The following MGAT4C variants were observed in gnomAD, a reference collection of about 807,000 sequenced individuals.
MGAT4C encodes MGAT4 family member C.
A neutral mutation model predicts 40.1 loss-of-function variants in MGAT4C; 19 were observed. That is an observed-to-expected ratio of 0.47 (90% confidence interval 0.33 to 0.70). MGAT4C has a LOEUF of 0.70. Ranked by LOEUF, MGAT4C falls within the 30% of genes least tolerant of loss-of-function variation. MGAT4C has a pLI of 0.02. For synonymous variants in MGAT4C, 181 were observed against 187.1 expected (o/e 0.97, Z 0.27); for missense variants, 491 against 563.2 (o/e 0.87, Z 1.30).
chr12:86,175,739 T>G (rs886441695), intron 1 of MGAT4C, among the ~76,000 whole-genome samples: 2 of 139,276 alleles, frequency 1.4e-5, no homozygotes, highest in Non-Finnish European at 3.0e-5. Flanking sequence ...ATCACGAGGT[T>G]AGGAGATTGA....
intron 1 of MGAT4C, among the ~76,000 whole-genome samples, chr12:86,056,406 C>G (rs761949610): frequency 7.2e-5 from 11 of 152,078 alleles, no homozygotes; most frequent in Non-Finnish European, 1.5e-4. Context: ...CCTTAAGGCC[C>G]CAGTGTGTGA....
intron 2 of MGAT4C, among the ~76,000 whole-genome samples, chr12:86,045,123 C>G (rs377197741): frequency 6.6e-6 from 1 of 152,144 alleles, no homozygotes; most frequent in East Asian, 1.9e-4. Flanking sequence ...CTCTGAAGAT[C>G]TGCTCATAGT....
At chr12:86,126,819 C>T (rs1880353297) in intron 1 of MGAT4C, among the ~76,000 whole-genome samples, 1 of 152,118 alleles carries the variant, frequency 6.6e-6, no homozygotes, top group Admixed American at 6.6e-5. Flanking sequence ...GCCCAGGGGT[C>T]CCCAAACTTT....
chr12:86,170,335 A>T (rs1008266720), intron 1 of MGAT4C, among the ~76,000 whole-genome samples: 4 of 152,172 alleles, frequency 2.6e-5, no homozygotes, highest in African/African-American at 9.7e-5. Flanking sequence ...GGATCATGTC[A>T]TTTGAAACTT....
chr12:86,450,101 T>C (rs547240106), intron 2 of MGAT4C, among the ~76,000 whole-genome samples: 2 of 152,274 alleles, frequency 1.3e-5, no homozygotes, highest in East Asian at 1.9e-4. Context: ...CTGTGAAGTA[T>C]TCATATGTTC....
intron 1 of MGAT4C, among the ~76,000 whole-genome samples, chr12:86,192,726 C>T (rs1011216006): frequency 6.6e-6 from 1 of 152,120 alleles, no homozygotes; most frequent in Non-Finnish European, 1.5e-5. Flanking sequence ...GAGGTATCTT[C>T]TACATCCTTA....
At chr12:86,471,609 C>T (rs951553268) in intron 2 of MGAT4C, among the ~76,000 whole-genome samples, 1 of 151,954 alleles carries the variant, frequency 6.6e-6, no homozygotes, top group African/African-American at 2.4e-5. Flanking sequence ...GAAGTACTAG[C>T]CCATAAGTTC....
At chr12:85,980,474 T>C (rs1884461741) in intron 4 of MGAT4C, 44 bp from the exon 5 acceptor site, 4 of 1,492,496 alleles carry the variant, frequency 2.7e-6, no homozygotes, top group South Asian at 1.3e-5. Context: ...GAACTAGAAA[T>C]ATGGAAAAAG....
At chr12:86,809,612 T>C (rs999738846) in intron 1 of MGAT4C, among the ~76,000 whole-genome samples, 3 of 152,014 alleles carry the variant, frequency 2.0e-5, no homozygotes, top group African/African-American at 7.2e-5. Flanking sequence ...TTTTGATTTA[T>C]ATTTTCCTGC....
At chr12:86,309,437 G>C (rs535120833) in intron 4 of MGAT4C, among the ~76,000 whole-genome samples, 2 of 152,288 alleles carry the variant, frequency 1.3e-5, no homozygotes, top group East Asian at 3.9e-4. Context: ...ATCTGGCTTG[G>C]GCCTTCTTGC....
chr12:86,579,438 C>T (rs535934569), intron 2 of MGAT4C, among the ~76,000 whole-genome samples: 3 of 151,642 alleles, frequency 2.0e-5, no homozygotes, highest in African/African-American at 4.8e-5. Context: ...AATAAAAACT[C>T]TACACCTAAA....
In MGAT4C at chr12:86,761,183, T is replaced by TA. The variant is rs529223590; in HGVS notation, c.-261-33943dup. ...GCCTCCATGGAATGATGGCACTTAG[T>TA]AAAAAAAATGAAATAAAAGGCCAGC... On this transcript the variant is annotated intron_variant, in intron 1 of 7. Transcript: ENST00000548651. Among the ~76,000 whole-genome samples the TA allele has an allele frequency of 2.2e-3, 328 of 152,004 alleles. 12 individuals are homozygous for TA. In the South Asian group the frequency reaches 0.057, roughly 26 times the overall value.
intron 1 of MGAT4C, among the ~76,000 whole-genome samples, chr12:86,157,261 T>C (rs1460492937): frequency 6.6e-6 from 1 of 152,204 alleles, no homozygotes; most frequent in Non-Finnish European, 1.5e-5. Context: ...CTTTCCATTT[T>C]GTAATTATAA....
At chr12:86,347,831 A>G (rs1047336919) in intron 3 of MGAT4C, among the ~76,000 whole-genome samples, 1 of 151,198 alleles carries the variant, frequency 6.6e-6, no homozygotes, top group Admixed American at 6.6e-5. Context: ...TAAAATTGTT[A>G]TTTTAACTTT....
chr12:86,720,075 C>G (rs568276262), intron 2 of MGAT4C, among the ~76,000 whole-genome samples: 7 of 151,948 alleles, frequency 4.6e-5, no homozygotes, highest in Admixed American at 6.6e-5. Flanking sequence ...AATGAGAGAG[C>G]CTTGGACTGA....
At chr12:86,457,641 G>A (rs866140652) in intron 2 of MGAT4C, among the ~76,000 whole-genome samples, 98 of 152,040 alleles carry the variant, frequency 6.4e-4, no homozygotes, top group Middle Eastern at 6.8e-3. Context: ...GTTTTAAAGG[G>A]AAAGAAAATA....
intron 1 of MGAT4C, among the ~76,000 whole-genome samples, chr12:86,741,918 C>T (rs1276922141): frequency 1.3e-5 from 2 of 151,366 alleles, no homozygotes; most frequent in African/African-American, 2.4e-5. Context: ...ACAAGCAAAA[C>T]AGTTTACAAA....
chr12:86,519,851 G>T (rs1180047091), intron 2 of MGAT4C, among the ~76,000 whole-genome samples: 1 of 151,868 alleles, frequency 6.6e-6, no homozygotes, highest in African/African-American at 2.4e-5. Context: ...CCATTCTGTG[G>T]GTTATTACTT....
At chr12:86,705,841 G>T (rs148992353) in intron 2 of MGAT4C, among the ~76,000 whole-genome samples, 3 of 152,164 alleles carry the variant, frequency 2.0e-5, no homozygotes, top group African/African-American at 7.2e-5. Flanking sequence ...TGGGACAGTA[G>T]TTCCACTTAT....
Sources: allele counts gnomAD v4.1 joint callset (sites outside exome capture counted in the v4.1 genomes callset), GRCh38; gene constraint gnomAD v4.1.1; transcripts MANE v1.5; gene names NCBI Gene and HGNC (gene_info 2026-07-23, HGNC 2026-07-21).